The following CPED1 variants were observed in gnomAD, a reference collection of about 807,000 sequenced individuals.
CPED1 encodes cadherin-like and PC-esterase domain-containing protein 1.
In CPED1, 114 loss-of-function variants were observed where a neutral mutation model predicts 128.2. The observed-to-expected ratio is 0.89, with a 90% CI of 0.76 to 1.04. CPED1 has a LOEUF of 1.04. Ranked by LOEUF, CPED1 falls within the 50% of genes least tolerant of loss-of-function variation. CPED1 has a pLI of 0.00. For synonymous variants in CPED1, 462 were observed against 426.7 expected (o/e 1.08, Z -1.02); for missense variants, 1,211 against 1,207.1 (o/e 1.00, Z -0.05).
At chr7:121,043,963 C>G (rs1443848615) in intron 3 of CPED1, among the ~76,000 whole-genome samples, 1 of 152,150 alleles carries the variant, frequency 6.6e-6, no homozygotes, top group African/African-American at 2.4e-5. Flanking sequence ...CTCATGCTTT[C>G]AGCTGTGAAA....
At chr7:121,255,679 G>C (rs1262786100) in intron 18 of CPED1, among the ~76,000 whole-genome samples, 2 of 151,848 alleles carry the variant, frequency 1.3e-5, no homozygotes, top group African/African-American at 4.8e-5. Flanking sequence ...ATGCCAAAAG[G>C]CTCTTAGAAC....
At chr7:121,103,617 A>G (rs1794904574) in intron 7 of CPED1, among the ~76,000 whole-genome samples, 1 of 152,132 alleles carries the variant, frequency 6.6e-6, no homozygotes, top group African/African-American at 2.4e-5. Flanking sequence ...AAAACTACCC[A>G]CGCTATACCA....
intron 18 of CPED1, among the ~76,000 whole-genome samples, chr7:121,251,245 G>A (rs1798665333): frequency 6.6e-6 from 1 of 152,090 alleles, no homozygotes; most frequent in South Asian, 2.1e-4. Flanking sequence ...TGCAGAAAAG[G>A]CCTTTGACAA....
chr7:121,027,019 T>TC (rs1792609234), intron 3 of CPED1, among the ~76,000 whole-genome samples: 1 of 151,106 alleles, frequency 6.6e-6, no homozygotes, highest in South Asian at 2.1e-4. Context: ...TTTTTTTTTT[T>TC]TGTAGAGAGG....
chr7:121,261,096 G>T (rs2116734743), intron 18 of CPED1, among the ~76,000 whole-genome samples: 1 of 152,112 alleles, frequency 6.6e-6, no homozygotes, highest in Non-Finnish European at 1.5e-5. Flanking sequence ...TTTTGGTGAT[G>T]CTGGAGTAAA....
intron 17 of CPED1, among the ~76,000 whole-genome samples, chr7:121,240,839 C>T (rs1322793580): frequency 6.6e-6 from 1 of 150,378 alleles, no homozygotes; most frequent in African/African-American, 2.5e-5. Context: ...CTCCATCCAA[C>T]GTGATGCTAC....
intron 16 of CPED1, among the ~76,000 whole-genome samples, chr7:121,155,958 G>A (rs1266696862): frequency 6.6e-6 from 1 of 151,900 alleles, no homozygotes; most frequent in East Asian, 1.9e-4. Context: ...CATATAACAA[G>A]GATTCAATAA....
intron 16 of CPED1, among the ~76,000 whole-genome samples, chr7:121,184,449 A>T (rs1385540826): frequency 6.6e-6 from 1 of 152,178 alleles, no homozygotes; most frequent in Non-Finnish European, 1.5e-5. Context: ...ATTATTTCTG[A>T]GTTTCACCAC....
chr7:121,266,878 T>A, intron 20 of CPED1, 70 bp downstream of exon 20: 1 of 1,033,200 alleles, frequency 9.7e-7, no homozygotes, highest in African/African-American at 1.6e-5. Context: ...GTGACTGAGT[T>A]TTATCCAGAT....
At chr7:120,991,436 G>A (rs1796307634) in intron 2 of CPED1, among the ~76,000 whole-genome samples, 1 of 152,116 alleles carries the variant, frequency 6.6e-6, no homozygotes, top group South Asian at 2.1e-4. Context: ...AACTGTGACT[G>A]TTAAAGTCAT....
chr7:121,032,300 C>T (rs891254529), intron 3 of CPED1, among the ~76,000 whole-genome samples: 3 of 152,024 alleles, frequency 2.0e-5, no homozygotes, highest in African/African-American at 7.2e-5. Flanking sequence ...GAGATAAAAA[C>T]AGTGAATTAT....
At chr7:121,181,979 G>A (rs1274317615) in intron 16 of CPED1, among the ~76,000 whole-genome samples, 1 of 152,054 alleles carries the variant, frequency 6.6e-6, no homozygotes, top group Non-Finnish European at 1.5e-5. Flanking sequence ...TAAAAGTCAC[G>A]TTTATTCCAA....
chr7:121,102,086 T>C (rs907161126), intron 7 of CPED1, among the ~76,000 whole-genome samples: 13 of 152,212 alleles, frequency 8.5e-5, no homozygotes, highest in African/African-American at 3.1e-4. Flanking sequence ...TTAAAAACTA[T>C]GTATATTTTT....
At chr7:121,083,890 G>A (rs558822006) in intron 5 of CPED1, 1 of 152,354 alleles carries the variant, frequency 6.6e-6, no homozygotes, top group South Asian at 2.1e-4. Flanking sequence ...TAAGAGGACA[G>A]AATGAGTTAA....
intron 22 of CPED1, among the ~76,000 whole-genome samples, chr7:121,294,806 CAA>C (rs752742828): frequency 5.9e-4 from 36 of 61,316 alleles, no homozygotes; most frequent in Non-Finnish European, 4.2e-4. Flanking sequence ...GCCTTCTAAG[CAA>C]AAAAAAAAAA....
chr7:121,211,080 G>A (rs559147512), intron 16 of CPED1, among the ~76,000 whole-genome samples: 4 of 151,974 alleles, frequency 2.6e-5, no homozygotes, highest in African/African-American at 7.2e-5. Flanking sequence ...TTTGGGAAAC[G>A]TATGACCTTT....
chr7:121,023,470 A>G (rs770995360), intron 3 of CPED1, among the ~76,000 whole-genome samples: 40 of 152,282 alleles, frequency 2.6e-4, no homozygotes, highest in African/African-American at 9.6e-4. Context: ...GAATGAGTGA[A>G]ATAACCACCA....
chr7:121,110,292 T>C (rs1795078147), intron 7 of CPED1, among the ~76,000 whole-genome samples: 1 of 152,198 alleles, frequency 6.6e-6, no homozygotes, highest in African/African-American at 2.4e-5. Flanking sequence ...TCCCTGCCTT[T>C]GTAAAGTTTA....
chr7:121,078,588 C>G (rs1794198989), intron 5 of CPED1, among the ~76,000 whole-genome samples: 1 of 149,946 alleles, frequency 6.7e-6, no homozygotes, highest in Admixed American at 6.7e-5. Context: ...TGCATATATC[C>G]TAACTATTTC....
Sources: allele counts gnomAD v4.1 joint callset (sites outside exome capture counted in the v4.1 genomes callset), GRCh38; gene constraint gnomAD v4.1.1; transcripts MANE v1.5; gene names NCBI Gene and HGNC (gene_info 2026-07-23, HGNC 2026-07-21).